SMG6: variants seen among roughly 807,000 people sequenced by gnomAD.
SMG6 encodes telomerase-binding protein EST1A.
Under a neutral mutation model 142.2 loss-of-function variants are expected in SMG6, and 66 were observed. The observed-to-expected ratio is 0.46, with a 90% CI of 0.38 to 0.57. The LOEUF (loss-of-function observed/expected upper bound fraction) is 0.57. Ranked by LOEUF, SMG6 falls within the 20% of genes least tolerant of loss-of-function variation. SMG6 has a pLI of 0.00. For synonymous variants in SMG6, 779 were observed against 702.4 expected, an observed-to-expected ratio of 1.11 and a Z score of -1.72; for missense variants, 1,793 against 1,832.0, an observed-to-expected ratio of 0.98 and a Z score of 0.39.
At chr17:2,244,008 A>G (rs1052748556) in intron 9 of SMG6, among the ~76,000 whole-genome samples, 1 of 152,144 alleles carries the variant, frequency 6.6e-6, no homozygotes, top group Non-Finnish European at 1.5e-5. Context: ...GCAGAGAGGA[A>G]GAACTCGGAT....
intron 4 of SMG6, among the ~76,000 whole-genome samples, chr17:2,296,452 G>A (rs2075144193): frequency 6.6e-6 from 1 of 152,068 alleles, no homozygotes; most frequent in Non-Finnish European, 1.5e-5. Flanking sequence ...CTATATCAGG[G>A]GTCCCCAGCC....
rs1192077973 is a variant in SMG6 at position 2,071,112 on chromosome 17, G to A, written c.3682-2181C>T. 6.6e-6 allele frequency among the ~76,000 whole-genome samples: 1 copy of A among 152,218 alleles called. No homozygotes were observed. The highest frequency in any genetic ancestry group is 1.5e-5 in the Non-Finnish European group (1 of 68,052). On this transcript the variant is annotated intron_variant, in intron 15 of 18. Transcript: ENST00000263073. This position sits in a 1 kb window ranked among gnomAD's most constrained non-coding sequence, Gnocchi z 5.6. Reference sequence around the variant, plus strand: ...CATGGCTTAGGGAGACGTGGGAGCAGTGGCAGCTGGAGTGACAGGGGCTGG... The same window carrying A: ...CATGGCTTAGGGAGACGTGGGAGCAATGGCAGCTGGAGTGACAGGGGCTGG...
chr17:2,194,082 T>C (rs965350019), intron 10 of SMG6, among the ~76,000 whole-genome samples: 2 of 152,176 alleles, frequency 1.3e-5, no homozygotes, highest in Non-Finnish European at 2.9e-5. Context: ...TGAGCCACCA[T>C]GCTCGGCCAG....
chr17:2,184,976 A>AG (rs2071932611), intron 12 of SMG6, among the ~76,000 whole-genome samples: 1 of 149,562 alleles, frequency 6.7e-6, no homozygotes, highest in Non-Finnish European at 1.5e-5. Flanking sequence ...AAAAAAAAAA[A>AG]AAAAAAAAAA....
rs778305852 is a variant in SMG6 at position 2,071,555 on chromosome 17, A to T, written c.3682-2624T>A. Among the ~76,000 whole-genome samples the T allele has an allele frequency of 7.9e-5, 12 of 152,174 alleles. No homozygotes were observed. Among genetic ancestry groups the T allele is most frequent in the Non-Finnish European group, 1.3e-4 (9 of 68,032 alleles). On this transcript the variant is annotated intron_variant, in intron 15 of 18. Transcript: ENST00000263073. The surrounding 1 kb of genome is among the most constrained non-coding windows in gnomAD (Gnocchi z 5.6). ...GTGTGGGGTGGGGCCAAGCCCCGTG[A>T]GGGTGGTCAGAGCTGTGCTGCCATC...
chr17:2,236,607 C>T lies in SMG6; in HGVS notation c.2754G>A (p.Lys918=). The change falls in exon 10 of 19, where the codon AAG becomes AAA. Residue 918 remains lysine, a synonymous_variant. Transcript: ENST00000263073. ...GMETFPAVAE[K]VLKEFQVLLQ... ...GTAACACCTGGAACTCCTTGAGGAC[C>T]TTCTCAGCCACTGCAGGGAATGTCT... 6.2e-7 allele frequency: 1 copy of T among 1,613,104 alleles called. No individual in the cohort carries two copies. The highest frequency in any genetic ancestry group is 8.5e-7 in the Non-Finnish European group (1 of 1,179,642).
chr17:2,151,370 A>G lies in SMG6; in HGVS notation c.3357+21288T>C, dbSNP rs557248985. ...TCTGTACTTTCATGAGCAGAAAAAG[A>G]AAGTTTTAAGCCTGCCTACAAGTTG... is the stretch of plus-strand genomic sequence containing the variant. On this transcript the variant is annotated intron_variant, in intron 13 of 18. Transcript: ENST00000263073. Among the ~76,000 whole-genome samples, 32 of 152,360 alleles carry G rather than the reference A, an allele frequency of 2.1e-4. No homozygotes were observed. The East Asian group carries it at 2.9e-3, about 14-fold the overall frequency.
chr17:2,172,805 T>G lies in SMG6; in HGVS notation c.3210A>C (p.Ala1070=), dbSNP rs777047584. The G allele has an allele frequency of 6.2e-7, 1 of 1,614,142 alleles. No individual in the cohort carries two copies. The highest frequency in any genetic ancestry group is 1.1e-5 in the South Asian group (1 of 91,078). ...ACAGTGGCACCTCAGACTGATTCAC[T>G]GCAGTCAGTATGTTACAGAAATCAG... The part of the protein sequence containing the change: ...TLADFCNILT[A]VNQSEVPLYK... The change falls in exon 13 of 19, where the codon GCA becomes GCC. Residue 1070 remains alanine (A), a synonymous_variant. Coordinates refer to ENST00000263073, the MANE Select transcript of SMG6 (RefSeq NM_017575.5).
chr17:2,068,659 A>C lies in SMG6; in HGVS notation c.3835+119T>G. 9.5e-7 allele frequency: 1 copy of C among 1,054,942 alleles called. No individual in the cohort carries two copies. The highest frequency in any genetic ancestry group is 1.4e-6 in the Non-Finnish European group (1 of 736,968). 65.3% of individuals were successfully genotyped at this position (1,054,942 alleles called of 1,614,324 possible). On this transcript the variant is annotated intron_variant, in intron 16 of 18. Coordinates refer to ENST00000263073, the MANE Select transcript of SMG6 (RefSeq NM_017575.5). This position sits in a 1 kb window ranked among gnomAD's most constrained non-coding sequence, Gnocchi z 6.7. Reference sequence around the variant, plus strand: ...CCCACGCGTTCCCTACTCCCCTGCAAATCCCATCTTACACACGCACAGCAG... The same window carrying C: ...CCCACGCGTTCCCTACTCCCCTGCACATCCCATCTTACACACGCACAGCAG...
At position 2,061,468 on chromosome 17, in the gene SMG6, G is replaced by GA; in HGVS notation, c.*23_*24insT. 3.2e-6 allele frequency: 5 copies of GA among 1,565,298 alleles called. No individual in the cohort carries two copies. Among genetic ancestry groups the GA allele is most frequent in the Middle Eastern group, 1.9e-4 (1 of 5,248 alleles). ...TGGCCTTTCAGGAACGGTTCCACGG[G>GA]GGGGGGGCCCCAGTGTGGCTCCCTC... On this transcript the variant is annotated 3_prime_UTR_variant, in exon 19 of 19. Coordinates refer to ENST00000263073, the MANE Select transcript of SMG6 (RefSeq NM_017575.5).
chr17:2,223,392 TA>T (rs1242724865), intron 10 of SMG6, among the ~76,000 whole-genome samples: 4 of 152,200 alleles, frequency 2.6e-5, no homozygotes, highest in African/African-American at 9.7e-5. Flanking sequence ...AAGAGGGGAC[TA>T]AACAAGCCAG....
chr17:2,300,566 G>T lies in SMG6; in HGVS notation c.187C>A (p.Pro63Thr), dbSNP rs533531297. The change falls in exon 2 of 19, where the codon CCC becomes ACC. Residue 63 changes from proline to threonine, a missense_variant. By Grantham distance (38) the Pro-to-Thr change is conservative (BLOSUM62 -1). Transcript: ENST00000263073. Reference sequence around the variant, plus strand: ...CTCCCAGGGGGTTCCTTGATTTTGGGCTTGTTCCTTAGCCGAGAAAGGCCA... The same window carrying T: ...CTCCCAGGGGGTTCCTTGATTTTGGTCTTGTTCCTTAGCCGAGAAAGGCCA... Reference protein sequence around the residue: ...KPGLSRLRNKPKIKEPPGSEE... With the variant: ...KPGLSRLRNKTKIKEPPGSEE... 6.2e-7 allele frequency: 1 copy of T among 1,614,008 alleles called. No homozygotes were observed. Among genetic ancestry groups the T allele is most frequent in the African/African-American group, 1.3e-5 (1 of 75,012 alleles).
At chr17:2,202,105 T>C (rs1237395669) in intron 10 of SMG6, among the ~76,000 whole-genome samples, 1 of 152,212 alleles carries the variant, frequency 6.6e-6, no homozygotes, top group African/African-American at 2.4e-5. Context: ...AAAGCATACA[T>C]GCACGCAAAG....
At chr17:2,184,114 C>A (rs753621156) in intron 12 of SMG6, among the ~76,000 whole-genome samples, 1 of 152,222 alleles carries the variant, frequency 6.6e-6, no homozygotes. Context: ...GTAATCCCTG[C>A]ACTTCTGGAG....
At chr17:2,130,514 A>C (rs893105481) in intron 13 of SMG6, among the ~76,000 whole-genome samples, 1 of 152,054 alleles carries the variant, frequency 6.6e-6, no homozygotes, top group Admixed American at 6.5e-5. Context: ...GAGGACTAGG[A>C]AACAGGGAAA....
chr17:2,252,227 C>T lies in SMG6; in HGVS notation c.2662-7508G>A, dbSNP rs530264674. ...AAGAGATCGAGCCCATCCTGGCCAACGGTGAAACCCCGTCTCTACTAAAAA... is the reference window on the plus strand; with the variant it reads ...AAGAGATCGAGCCCATCCTGGCCAATGGTGAAACCCCGTCTCTACTAAAAA... On this transcript the variant is annotated intron_variant, in intron 8 of 18. Coordinates refer to ENST00000263073, the MANE Select transcript of SMG6 (RefSeq NM_017575.5). 7.2e-5 allele frequency among the ~76,000 whole-genome samples: 11 copies of T among 152,180 alleles called. No homozygotes were observed. The South Asian group carries it at 8.3e-4, about 11-fold the overall frequency.
chr17:2,271,486 G>A lies in SMG6; in HGVS notation c.2661+11161C>T, dbSNP rs542815486. ...CCCAGCACTTTGAAAGGCCAAGGTG[G>A]GTGGATCACCTGAGGTCAGGAGTTC... On this transcript the variant is annotated intron_variant, in intron 8 of 18. Transcript: ENST00000263073. Among the ~76,000 whole-genome samples the A allele has an allele frequency of 5.6e-3, 850 of 151,866 alleles. 2 individuals carry two copies. The highest frequency in any genetic ancestry group is 0.01 in the Middle Eastern group (3 of 294).
chr17:2,239,392 A>G (rs1246699497), intron 9 of SMG6, among the ~76,000 whole-genome samples: 3 of 152,238 alleles, frequency 2.0e-5, no homozygotes, highest in African/African-American at 7.2e-5. Flanking sequence ...ACATACAAAA[A>G]GTGGTCATTT....
At chr17:2,300,758 A>G in intron 1 of SMG6, 94 bp from the exon 2 acceptor site, 7 of 1,197,092 alleles carry the variant, frequency 5.8e-6, no homozygotes, top group Non-Finnish European at 8.0e-6. Flanking sequence ...GTTAAGTAAC[A>G]AAAAAAGTCG....
Sources: gnomAD v4.1 joint callset for allele counts (sites outside exome capture counted in the v4.1 genomes callset) on GRCh38, gnomAD v4.1.1 for gene constraint, Gnocchi (gnomAD v3.1) non-coding constraint, MANE v1.5 for transcripts, NCBI Gene and HGNC (gene_info 2026-07-23, HGNC 2026-07-21) for gene names.